Variants in PINX1 observed in about 807,000 individuals in gnomAD.
The protein encoded by PINX1 is PIN2 (TERF1) interacting telomerase inhibitor 1.
A neutral mutation model predicts 25.4 loss-of-function variants in PINX1; 34 were observed. That is an observed-to-expected ratio of 1.34 (90% CI 1.02 to 1.78). The LOEUF is 1.78. Ranked by LOEUF, PINX1 falls within the 40% of genes most tolerant of loss-of-function variation. The pLI is 0.00. For synonymous variants in PINX1, 197 were observed against 147.7 expected (o/e 1.33, Z -2.42); for missense variants, 592 against 404.9 (o/e 1.46, Z -3.97).
chr8:10,783,131 T>C (rs1197144792), intron 6 of PINX1, among the ~76,000 whole-genome samples: 1 of 152,222 alleles, frequency 6.6e-6, no homozygotes, highest in Admixed American at 6.5e-5. Context: ...CTTAATTCCA[T>C]GAAAATGTAA....
intron 6 of PINX1, among the ~76,000 whole-genome samples, chr8:10,814,909 C>T (rs1414604619): frequency 6.6e-6 from 1 of 152,150 alleles, no homozygotes; most frequent in Non-Finnish European, 1.5e-5. Context: ...ATGAAAAAGT[C>T]CACATGTAAA....
intron 5 of PINX1, among the ~76,000 whole-genome samples, chr8:10,821,226 C>A (rs573942435): frequency 1.3e-5 from 2 of 152,362 alleles, no homozygotes; most frequent in African/African-American, 4.8e-5. Context: ...TTTCCTGTAG[C>A]ACACTGCCTT....
At chr8:10,828,291 A>T (rs1362202508) in intron 4 of PINX1, among the ~76,000 whole-genome samples, 1 of 152,206 alleles carries the variant, frequency 6.6e-6, no homozygotes, top group African/African-American at 2.4e-5. Flanking sequence ...AACATTTTCA[A>T]TGCTGATGTT....
intron 6 of PINX1, among the ~76,000 whole-genome samples, chr8:10,803,328 C>A (rs1003913464): frequency 6.6e-6 from 1 of 152,198 alleles, no homozygotes; most frequent in Non-Finnish European, 1.5e-5. Flanking sequence ...ATCAAACAGA[C>A]AATAATTTCT....
rs1474366924 is a variant in PINX1, at chr8:10,777,721, G to A, written c.472-11805C>T. On this transcript the variant is annotated intron_variant, in intron 6 of 6. Transcript: ENST00000314787. ...ATCTCTGTTGGAACTGGAGCAACTA[G>A]GAGAGATGTTTTTATAAGGACTTCC... 2.0e-5 allele frequency among the ~76,000 whole-genome samples: 3 copies of A among 152,310 alleles called. No homozygotes were observed. The East Asian group carries it at 5.8e-4, about 29-fold the overall frequency.
intron 6 of PINX1, among the ~76,000 whole-genome samples, chr8:10,789,697 C>T (rs532623743): frequency 3.3e-5 from 5 of 152,106 alleles, no homozygotes; most frequent in South Asian, 2.1e-4. Context: ...AGAGACAAAA[C>T]GTGTTCAATT....
intron 6 of PINX1, among the ~76,000 whole-genome samples, chr8:10,788,500 G>C (rs1354254104): frequency 6.6e-6 from 1 of 152,116 alleles, no homozygotes; most frequent in Non-Finnish European, 1.5e-5. Flanking sequence ...GGGAGGTGGA[G>C]GGTGCAGTGA....
chr8:10,785,094 T>C (rs560918244), intron 6 of PINX1, among the ~76,000 whole-genome samples: 2 of 152,194 alleles, frequency 1.3e-5, no homozygotes. Flanking sequence ...TTTTAGAAAA[T>C]TCCCATAACG....
chr8:10,822,875 T>A (rs552159354), intron 5 of PINX1, among the ~76,000 whole-genome samples: 55 of 152,352 alleles, frequency 3.6e-4, no homozygotes, highest in African/African-American at 1.3e-3. Context: ...ACTTAAGGTT[T>A]ATGTAGGTAG....
At chr8:10,815,897 G>A (rs1002186953) in intron 6 of PINX1, among the ~76,000 whole-genome samples, 3 of 152,204 alleles carry the variant, frequency 2.0e-5, no homozygotes, top group Non-Finnish European at 4.4e-5. Context: ...GCTAAGTGCA[G>A]GAAGTAGATC....
At position 10,826,300 on chromosome 8, in the gene PINX1, TCTC is replaced by T. The variant is rs376805019; in HGVS notation, c.302-59_302-57del. The T allele has an allele frequency of 3.3e-3, 3,212 of 962,282 alleles. 15 individuals are homozygous for T. The highest frequency in any genetic ancestry group is 4.3e-3 in the Non-Finnish European group (2,731 of 637,026). 59.6% of individuals were successfully genotyped at this position (962,282 alleles called of 1,614,324 possible). A position where few individuals can be genotyped will look rare whatever the true frequency, so the allele number is the denominator to read the frequency against. On this transcript the variant is annotated intron_variant, in intron 4 of 6. Transcript: ENST00000314787. ...GTCTTTCTAATCCAATCTCATTTAT[TCTC>T]CTAACAGTGGATAGTCTTGAAAGAA...
intron 5 of PINX1, among the ~76,000 whole-genome samples, chr8:10,824,687 G>A (rs1426154011): frequency 6.6e-6 from 1 of 152,226 alleles, no homozygotes; most frequent in Non-Finnish European, 1.5e-5. Flanking sequence ...ATGAAATCAT[G>A]CATGCAGTCT....
chr8:10,778,119 G>T (rs1188132686), intron 6 of PINX1, among the ~76,000 whole-genome samples: 1 of 152,128 alleles, frequency 6.6e-6, no homozygotes, highest in Non-Finnish European at 1.5e-5. Context: ...TGGTCTTTGG[G>T]GGCTGGGTTA....
At chr8:10,789,278 T>C (rs1801848146) in intron 6 of PINX1, among the ~76,000 whole-genome samples, 1 of 152,244 alleles carries the variant, frequency 6.6e-6, no homozygotes, top group African/African-American at 2.4e-5. Context: ...AGCATCCTTT[T>C]TTTCCAGATG....
At chr8:10,773,389 C>G (rs1312040148) in intron 6 of PINX1, among the ~76,000 whole-genome samples, 1 of 152,084 alleles carries the variant, frequency 6.6e-6, no homozygotes, top group Non-Finnish European at 1.5e-5. Context: ...TAGCAAAAGC[C>G]AGTAAAGAAA....
rs778532584 is a variant in PINX1, at chr8:10,834,763, T to C, written c.32A>G (p.Gln11Arg). Residue 11 changes from glutamine to arginine, a missense_variant, in exon 2 of 7, where the codon CAG becomes CGG. Physicochemically the swap from Gln to Arg is conservative, Grantham distance 43. Coordinates refer to ENST00000314787, the MANE Select transcript of PINX1 (RefSeq NM_017884.6). MSMLAERRRK[Q>R]KWAVDPQNTA... ...GTTCTGAGGATCCACAGCCCACTTC[T>C]GCTTCCGCCGACCTGTAAATGAAAA... 3.1e-6 allele frequency: 5 copies of C among 1,612,906 alleles called. No individual in the cohort carries two copies. In the East Asian group the frequency reaches 1.1e-4, roughly 36 times the overall value.
At chr8:10,810,009 C>G (rs1802578009) in intron 6 of PINX1, among the ~76,000 whole-genome samples, 1 of 152,172 alleles carries the variant, frequency 6.6e-6, no homozygotes, top group Middle Eastern at 3.2e-3. Context: ...AAGGGAGAGC[C>G]AGCCCATCAC....
intron 6 of PINX1, among the ~76,000 whole-genome samples, chr8:10,789,797 C>G (rs1044218517): frequency 6.6e-6 from 1 of 152,178 alleles, no homozygotes; most frequent in Non-Finnish European, 1.5e-5. Context: ...CACACACACA[C>G]CTCCACGTGC....
At position 10,831,767 on chromosome 8, in the gene PINX1, G is replaced by A. The variant is rs769957091; in HGVS notation, c.223-24C>T. 22 of 1,410,990 alleles carry A rather than the reference G, an allele frequency of 1.6e-5. 1 individual carries two copies. The highest frequency in any genetic ancestry group is 1.8e-4 in the Middle Eastern group (1 of 5,714). 87.4% of individuals were successfully genotyped at this position (1,410,990 alleles called of 1,614,324 possible). On this transcript the variant is annotated intron_variant, in intron 3 of 6. Coordinates refer to ENST00000314787, the MANE Select transcript of PINX1 (RefSeq NM_017884.6). ...TCCTGAAAATATCAAAGAAATGAAC[G>A]AGAGGTAAGCCTGTAGTTTACTTAC...
Sources: allele counts gnomAD v4.1 joint callset (sites outside exome capture counted in the v4.1 genomes callset), GRCh38; gene constraint gnomAD v4.1.1; transcripts MANE v1.5; gene names NCBI Gene and HGNC (gene_info 2026-07-23, HGNC 2026-07-21).